The following IL1RAPL2 variants were observed in gnomAD, a reference collection of about 807,000 sequenced individuals.
IL1RAPL2 encodes the protein interleukin 1 receptor accessory protein like 2, also known as X-linked interleukin-1 receptor accessory protein-like 2.
IL1RAPL2 carries 3 observed loss-of-function variants against 44.1 expected under a neutral mutation model. The ratio of observed to expected loss-of-function variants is 0.07; its 90% CI spans 0.03 to 0.18. The LOEUF (loss-of-function observed/expected upper bound fraction) is 0.18. Ranked by LOEUF, IL1RAPL2 falls within the 10% of genes least tolerant of loss-of-function variation. IL1RAPL2 has a pLI of 1.00. For synonymous variants in IL1RAPL2, 181 were observed against 178.8 expected (o/e 1.01, Z -0.10); for missense variants, 391 against 496.4 (o/e 0.79, Z 2.02).
At chrX:105,367,675 G>C (rs1443565793) in intron 5 of IL1RAPL2, among the ~76,000 whole-genome samples, 2 of 111,303 alleles carry the variant, frequency 1.8e-5, no homozygotes, top group Non-Finnish European at 3.8e-5. Context: ...GACACATTTT[G>C]TATCTTTTAT....
chrX:105,613,963 G>A (rs772710267), intron 6 of IL1RAPL2, among the ~76,000 whole-genome samples: 31 of 111,397 alleles, frequency 2.8e-4, no homozygotes, highest in Non-Finnish European at 4.5e-4. Context: ...CCACCTTTCT[G>A]ATAATCAAAT....
At chrX:105,452,056 A>T (rs2036023250) in intron 5 of IL1RAPL2, among the ~76,000 whole-genome samples, 1 of 111,308 alleles carries the variant, frequency 9.0e-6, no homozygotes, top group Non-Finnish European at 1.9e-5. Flanking sequence ...TCTATAGGAG[A>T]TACTAAAAAA....
chrX:105,575,505 A>G (rs1319188991), intron 6 of IL1RAPL2, among the ~76,000 whole-genome samples: 2 of 112,061 alleles, frequency 1.8e-5, no homozygotes, highest in Non-Finnish European at 3.8e-5. Context: ...ACATGATCTC[A>G]TTCTCCTTTA....
chrX:105,740,757 T>G (rs1261391411), intron 8 of IL1RAPL2, 66 bp downstream of exon 8: 2 of 1,015,568 alleles, frequency 2.0e-6, no homozygotes, highest in African/African-American at 3.8e-5. Flanking sequence ...GTTAGAGATA[T>G]TTCCTGGCTT....
At chrX:104,692,369 TATTA>T (rs1425372243) in intron 2 of IL1RAPL2, among the ~76,000 whole-genome samples, 6 of 110,327 alleles carry the variant, frequency 5.4e-5, no homozygotes, top group Non-Finnish European at 1.9e-5. Context: ...TATTTATTAT[TATTA>T]AAGTTTTAGG....
intron 6 of IL1RAPL2, among the ~76,000 whole-genome samples, chrX:105,707,971 A>C (rs2038178718): frequency 9.0e-6 from 1 of 110,868 alleles, no homozygotes; most frequent in African/African-American, 3.3e-5. Flanking sequence ...CCAATCACGT[A>C]GGCTACAAAA....
At chrX:105,511,998 C>G (rs2036473338) in intron 6 of IL1RAPL2, among the ~76,000 whole-genome samples, 1 of 110,783 alleles carries the variant, frequency 9.0e-6, no homozygotes, top group Non-Finnish European at 1.9e-5. Context: ...ACTTAAAATA[C>G]TTTGTGTGAT....
intron 2 of IL1RAPL2, among the ~76,000 whole-genome samples, chrX:105,097,330 C>CAAAAAAAAAAAA (rs201390547): frequency 1.4e-4 from 6 of 43,178 alleles, no homozygotes; most frequent in African/African-American, 6.4e-4. Flanking sequence ...CAGTGTCAGA[C>CAAAAAAAAAAAA]AAAAAAAAAA....
intron 2 of IL1RAPL2, among the ~76,000 whole-genome samples, chrX:104,750,527 C>A (rs1250515090): frequency 9.0e-6 from 1 of 110,651 alleles, no homozygotes; most frequent in African/African-American, 3.3e-5. Flanking sequence ...ATAGAAACAA[C>A]AAGCAGATGT....
Position 104,712,763 on chromosome X carries a change from G to A in IL1RAPL2, c.82+53768G>A, listed in dbSNP as rs1444687715. ...GTTCATAGCAAGCTGTGTGAATCTT[G>A]TTGGCAAAACTTTACTAGCCTTTGT... On this transcript the variant is annotated intron_variant, in intron 2 of 10. Coordinates refer to ENST00000372582, the MANE Select transcript of IL1RAPL2 (RefSeq NM_017416.2). Among the ~76,000 whole-genome samples the A allele has an allele frequency of 6.3e-5, 7 of 110,477 alleles. No homozygotes were observed. The Admixed American group carries it at 6.8e-4, about 11-fold the overall frequency.
intron 2 of IL1RAPL2, among the ~76,000 whole-genome samples, chrX:105,034,147 A>T (rs2147754649): frequency 9.0e-6 from 1 of 111,253 alleles, no homozygotes; most frequent in South Asian, 3.8e-4. Flanking sequence ...CAAAGTTTTT[A>T]ACTTCTTTGC....
intron 2 of IL1RAPL2, among the ~76,000 whole-genome samples, chrX:105,031,436 G>A (rs1238490412): frequency 2.7e-5 from 3 of 111,551 alleles, no homozygotes; most frequent in Non-Finnish European, 5.6e-5. Flanking sequence ...CTAATTTATT[G>A]AGAGTTTTTA....
chrX:104,635,778 A>T, intron 1 of IL1RAPL2, among the ~76,000 whole-genome samples: 1 of 111,066 alleles, frequency 9.0e-6, no homozygotes. Flanking sequence ...CTTCTTTGCC[A>T]TGGGTTCGAA....
chrX:105,172,456 ACTAC>A (rs2033431806), intron 2 of IL1RAPL2, among the ~76,000 whole-genome samples: 1 of 111,818 alleles, frequency 8.9e-6, no homozygotes, highest in Non-Finnish European at 1.9e-5. Context: ...GGAAGACTCC[ACTAC>A]CAAGCTCATT....
chrX:105,295,434 T>C (rs1356036334), intron 5 of IL1RAPL2, among the ~76,000 whole-genome samples: 1 of 111,957 alleles, frequency 8.9e-6, no homozygotes, highest in East Asian at 2.8e-4. Flanking sequence ...GTCGAATTGA[T>C]TAGCTCTTGG....
rs375752166 is a variant in IL1RAPL2 at position 104,742,434 on chromosome X, C to G, written c.82+83439C>G. On this transcript the variant is annotated intron_variant, in intron 2 of 10. Coordinates refer to ENST00000372582, the MANE Select transcript of IL1RAPL2 (RefSeq NM_017416.2). ...ACACATACAACTGAATTATGTTTCTCTGGCCAATTGTAAATGGCTCAAGGG... is the reference window on the plus strand; with the variant it reads ...ACACATACAACTGAATTATGTTTCTGTGGCCAATTGTAAATGGCTCAAGGG... 2.7e-5 allele frequency among the ~76,000 whole-genome samples: 3 copies of G among 111,495 alleles called. No individual in the cohort carries two copies. In the East Asian group the frequency reaches 8.5e-4, roughly 32 times the overall value.
At chrX:105,017,020 A>G (rs1161292178) in intron 2 of IL1RAPL2, among the ~76,000 whole-genome samples, 2 of 110,556 alleles carry the variant, frequency 1.8e-5, no homozygotes, top group Non-Finnish European at 3.8e-5. Context: ...CAGGGATTTG[A>G]CTTCTTCCTT....
At chrX:105,650,630 CAGTT>C (rs746253051) in intron 6 of IL1RAPL2, among the ~76,000 whole-genome samples, 21 of 112,305 alleles carry the variant, frequency 1.9e-4, no homozygotes, top group African/African-American at 6.5e-4. Context: ...AACCCTCTGA[CAGTT>C]AGTCTTTGTC....
chrX:105,328,520 G>A (rs1179943710), intron 5 of IL1RAPL2, among the ~76,000 whole-genome samples: 1 of 111,645 alleles, frequency 9.0e-6, no homozygotes, highest in Non-Finnish European at 1.9e-5. Flanking sequence ...CCATGAGAAT[G>A]GATGTAGTCA....
Sources: gnomAD v4.1 joint callset for allele counts (sites outside exome capture counted in the v4.1 genomes callset) on GRCh38, gnomAD v4.1.1 for gene constraint, MANE v1.5 for transcripts, NCBI Gene and HGNC (gene_info 2026-07-23, HGNC 2026-07-21) for gene names.